Variants in HBM observed in about 807,000 individuals in gnomAD.
HBM encodes the protein hemoglobin subunit mu, also known as alpha globin pseudogene 2.
HBM carries 9 observed loss-of-function variants against 12.8 expected under a neutral mutation model. That is an observed-to-expected ratio of 0.70 (90% CI 0.42 to 1.23). The LOEUF (loss-of-function observed/expected upper bound fraction) is 1.23, where lower values mean the gene tolerates loss of function less well. Among genes scored for constraint, HBM ranks in the 50% most tolerant of loss-of-function variants. The pLI, the probability that HBM is intolerant of heterozygous loss-of-function variation, is 0.00. For missense variants in HBM, 214 were observed against 195.4 expected, an observed-to-expected ratio of 1.10 and a Z score of -0.57; for synonymous variants, 100 against 92.0, an observed-to-expected ratio of 1.09 and a Z score of -0.50.
rs1215320852 is a variant in HBM at position 166,183 on chromosome 16, C to A, written c.93-85C>A. ...AACGCCATCCAAGGTCCTTCGGGTG[C>A]GGATCCCCGGGCTCTGGGCGGTGTG... On this transcript the variant is annotated intron_variant, in intron 1 of 2. Coordinates refer to ENST00000356815, the MANE Select transcript of HBM (RefSeq NM_001003938.4). 2.9e-6 allele frequency: 4 copies of A among 1,367,108 alleles called. No homozygotes were observed. The Admixed American group carries it at 9.5e-5, about 32-fold the overall frequency. 84.7% of individuals were successfully genotyped at this position (1,367,108 alleles called of 1,614,324 possible).
In HBM at chr16:166,281, T is replaced by C; in HGVS notation, c.106T>C (p.Tyr36His). The change falls in exon 2 of 3, where the codon TAC becomes CAC. Residue 36 changes from tyrosine (Y) to histidine (H), a missense_variant. Physicochemically the swap from Tyr to His is moderately conservative, Grantham distance 83. Transcript: ENST00000356815. Reference sequence around the variant, plus strand: ...CTGGTCCTGCAGGCTCTTCACGGTGTACCCCAGCACCAAGGTCTACTTCCC... The same window carrying C: ...CTGGTCCTGCAGGCTCTTCACGGTGCACCCCAGCACCAAGGTCTACTTCCC... ...AELLLRLFTV[Y>H]PSTKVYFPHL... 3.1e-6 allele frequency: 5 copies of C among 1,594,840 alleles called. No homozygotes were observed. In the African/African-American group the frequency reaches 4.0e-5, roughly 13 times the overall value.
Position 166,747 on chromosome 16 carries a change from A to G in HBM, c.*39A>G. 2 of 1,609,830 alleles carry G rather than the reference A, an allele frequency of 1.2e-6. No homozygotes were observed. The highest frequency in any genetic ancestry group is 1.7e-6 in the Non-Finnish European group (2 of 1,177,920). ...CAGGCCTTGGTCTGTGCCTGTCAAT[A>G]AACAGAGGCCCGAACCATCTGCCCC... On this transcript the variant is annotated 3_prime_UTR_variant, in exon 3 of 3. Transcript: ENST00000356815.
At position 166,284 on chromosome 16, in the gene HBM, C is replaced by T. The variant is rs371291281; in HGVS notation, c.109C>T (p.Pro37Ser). The change falls in exon 2 of 3, where the codon CCC becomes TCC. Residue 37 changes from proline to serine, a missense_variant. Coordinates refer to ENST00000356815, the MANE Select transcript of HBM (RefSeq NM_001003938.4). ...GTCCTGCAGGCTCTTCACGGTGTAC[C>T]CCAGCACCAAGGTCTACTTCCCGCA... ...ELLLRLFTVY[P>S]STKVYFPHLS... The T allele has an allele frequency of 2.5e-6, 4 of 1,595,114 alleles. No homozygotes were observed. The highest frequency in any genetic ancestry group is 1.1e-5 in the South Asian group (1 of 90,462).
chr16:166,275 A>G lies in HBM; in HGVS notation c.100A>G (p.Thr34Ala), dbSNP rs147735618. 147 of 1,593,748 alleles carry G rather than the reference A, an allele frequency of 9.2e-5. No homozygotes were observed. In the African/African-American group the frequency reaches 1.7e-3, roughly 19 times the overall value. Residue 34 changes from threonine (T) to alanine (A), a missense_variant, in exon 2 of 3, where the codon ACG becomes GCG. Physicochemically the swap from Thr to Ala is moderately conservative, Grantham distance 58 (BLOSUM62 0). Transcript: ENST00000356815. ...ACTGACCTGGTCCTGCAGGCTCTTC[A>G]CGGTGTACCCCAGCACCAAGGTCTA... ...FGAELLLRLF[T>A]VYPSTKVYFP...
chr16:166,007 G>A lies in HBM; in HGVS notation c.10G>A (p.Ala4Thr). The stretch of plus-strand genomic sequence containing the variant: ...CACGTCAGGCGGCGCCATGCTCAGC[G>A]CCCAGGAGCGCGCCCAAATCGCGCA... MLS[A>T]QERAQIAQVW... Residue 4 changes from alanine (A) to threonine (T), a missense_variant, in exon 1 of 3, where the codon GCC (alanine) becomes ACC (threonine). Ala to Thr is a moderately conservative substitution (Grantham distance 58). Transcript: ENST00000356815. 6.3e-7 allele frequency: 1 copy of A among 1,586,614 alleles called. No individual in the cohort carries two copies. Among genetic ancestry groups the A allele is most frequent in the Non-Finnish European group, 8.5e-7 (1 of 1,172,130 alleles).
intron 1 of HBM, 24 bp downstream of exon 1, chr16:166,113 G>A: frequency 6.4e-7 from 1 of 1,568,434 alleles, no homozygotes; most frequent in Non-Finnish European, 8.7e-7. Context: ...GGGTCTCCGG[G>A]AGCTCAGGGA....
In HBM at chr16:166,013, G is replaced by C; in HGVS notation, c.16G>C (p.Glu6Gln). The change falls in exon 1 of 3, where the codon GAG (glutamate) becomes CAG (glutamine). Residue 6 changes from glutamate to glutamine, a missense_variant. Glu to Gln is a conservative substitution (Grantham distance 29, BLOSUM62 2). Coordinates refer to ENST00000356815, the MANE Select transcript of HBM (RefSeq NM_001003938.4). ...AGGCGGCGCCATGCTCAGCGCCCAGGAGCGCGCCCAAATCGCGCAGGTCTG... is the reference window on the plus strand; with the variant it reads ...AGGCGGCGCCATGCTCAGCGCCCAGCAGCGCGCCCAAATCGCGCAGGTCTG... MLSAQ[E>Q]RAQIAQVWDL... 1 of 1,590,654 alleles carries C rather than the reference G, an allele frequency of 6.3e-7. No homozygotes were observed. The highest frequency in any genetic ancestry group is 8.5e-7 in the Non-Finnish European group (1 of 1,173,582).
At position 166,069 on chromosome 16, in the gene HBM, CG is replaced by C; in HGVS notation, c.76del (p.Ala26ArgfsTer21). 1.2e-6 allele frequency: 2 copies of C among 1,603,200 alleles called. No homozygotes were observed. Among genetic ancestry groups the C allele is most frequent in the Non-Finnish European group, 1.7e-6 (2 of 1,175,666 alleles). ...TGATTGCGGGCCACGAGGCGCAATT[CG>C]GGGCGGAGCTGCTGCTCAGGTCGGT... ...DLIAGHEAQF[G>X]AELLLRLFTV... On this transcript the variant is annotated frameshift_variant, in exon 1 of 3. Transcript: ENST00000356815. LOFTEE classifies it high-confidence loss of function.
In HBM at chr16:166,337, G is replaced by A. The variant is rs757420478; in HGVS notation, c.162G>A (p.Gln54=). ...PHLSACQDAT[Q]LLSHGQRMLA... Reference sequence around the variant, plus strand: ...TGAGCGCCTGCCAGGACGCGACGCAGCTGCTGAGCCACGGGCAGCGCATGC... The same window carrying A: ...TGAGCGCCTGCCAGGACGCGACGCAACTGCTGAGCCACGGGCAGCGCATGC... The change falls in exon 2 of 3, where the codon CAG becomes CAA. Residue 54 remains glutamine (Q), a synonymous_variant. Transcript: ENST00000356815. The A allele has an allele frequency of 7.1e-5, 113 of 1,594,790 alleles. No homozygotes were observed. Among genetic ancestry groups the A allele is most frequent in the Non-Finnish European group, 9.4e-5 (111 of 1,178,486 alleles).
At chr16:166,523 G>A (rs758040184) in intron 2 of HBM, 51 bp downstream of exon 2, 2 of 1,584,370 alleles carry the variant, frequency 1.3e-6, no homozygotes, top group Non-Finnish European at 1.7e-6. Context: ...CGGGGTGGGG[G>A]GGCTCTGGGG....
rs1237542831 is a variant in HBM, at chr16:165,993, G to GC, written c.-4dup. ...CGCGGCCCCCAGAGCACGTCAGGCG[G>GC]CGCCATGCTCAGCGCCCAGGAGCGC... is the stretch of plus-strand genomic sequence containing the variant. On this transcript the variant is annotated 5_prime_UTR_variant, in exon 1 of 3. Transcript: ENST00000356815. 6.3e-7 allele frequency: 1 copy of GC among 1,574,858 alleles called. No individual in the cohort carries two copies. The highest frequency in any genetic ancestry group is 1.8e-5 in the Admixed American group (1 of 55,414).
rs764407195 is a variant in HBM, at chr16:166,685, G to T, written c.403G>T (p.Val135Leu). ...WDKFLTGVAV[V>L]LTEKYR ...CAAGTTCCTGACTGGTGTGGCCGTG[G>T]TGCTGACCGAAAAATACCGCTGAGC... The change falls in exon 3 of 3, where the codon GTG (valine) becomes TTG (leucine). Residue 135 changes from valine (V) to leucine (L), a missense_variant. By Grantham distance (32) the Val-to-Leu change is conservative. Transcript: ENST00000356815. 6.2e-7 allele frequency: 1 copy of T among 1,614,118 alleles called. No homozygotes were observed. Among genetic ancestry groups the T allele is most frequent in the African/African-American group, 1.3e-5 (1 of 75,042 alleles).
rs1434916233 is a variant in HBM at position 166,294 on chromosome 16, A to C, written c.119A>C (p.Lys40Thr). ...CTCTTCACGGTGTACCCCAGCACCAAGGTCTACTTCCCGCACCTGAGCGCC... is the reference window on the plus strand; with the variant it reads ...CTCTTCACGGTGTACCCCAGCACCACGGTCTACTTCCCGCACCTGAGCGCC... Reference protein sequence around the residue: ...LRLFTVYPSTKVYFPHLSACQ... With the variant: ...LRLFTVYPSTTVYFPHLSACQ... The change falls in exon 2 of 3, where the codon AAG becomes ACG. Residue 40 changes from lysine (K) to threonine (T), a missense_variant. Lys to Thr is a moderately conservative substitution (Grantham distance 78). Coordinates refer to ENST00000356815, the MANE Select transcript of HBM (RefSeq NM_001003938.4). The C allele has an allele frequency of 1.8e-5, 29 of 1,595,688 alleles. No individual in the cohort carries two copies. The highest frequency in any genetic ancestry group is 2.5e-5 in the Non-Finnish European group (29 of 1,178,844).
In HBM at chr16:166,654, G is replaced by A. The variant is rs771243489; in HGVS notation, c.372G>A (p.Ala124=). Residue 124 remains alanine (A), a synonymous_variant, in exon 3 of 3, where the codon GCG becomes GCA. Transcript: ENST00000356815. ...QDEFTVQMQA[A]WDKFLTGVAV... The stretch of plus-strand genomic sequence containing the variant: ...AGTTCACCGTGCAAATGCAAGCGGC[G>A]TGGGACAAGTTCCTGACTGGTGTGG... 13 of 1,614,042 alleles carry A rather than the reference G, an allele frequency of 8.1e-6. No homozygotes were observed. Among genetic ancestry groups the A allele is most frequent in the African/African-American group, 1.3e-5 (1 of 74,948 alleles).
intron 2 of HBM, 54 bp downstream of exon 2, chr16:166,526 C>T (rs1423121730): frequency 1.9e-6 from 3 of 1,587,160 alleles, no homozygotes; most frequent in African/African-American, 1.3e-5. Flanking sequence ...GGTGGGGGGG[C>T]TCTGGGGGTC....
rs745886087 is a variant in HBM at position 166,745 on chromosome 16, A to G, written c.*37A>G. The stretch of plus-strand genomic sequence containing the variant: ...CGCAGGCCTTGGTCTGTGCCTGTCA[A>G]TAAACAGAGGCCCGAACCATCTGCC... On this transcript the variant is annotated 3_prime_UTR_variant, in exon 3 of 3. Transcript: ENST00000356815. The G allele has an allele frequency of 1.9e-5, 31 of 1,610,498 alleles. No homozygotes were observed. In the South Asian group the frequency reaches 3.2e-4, roughly 17 times the overall value.
chr16:166,601 G>A lies in HBM; in HGVS notation c.319G>A (p.Val107Ile), dbSNP rs143725294. The change falls in exon 3 of 3, where the codon GTC (valine) becomes ATC (isoleucine). Residue 107 changes from valine to isoleucine, a missense_variant. By Grantham distance (29) the Val-to-Ile change is conservative. Coordinates refer to ENST00000356815, the MANE Select transcript of HBM (RefSeq NM_001003938.4). The part of the protein sequence containing the change: ...NFPLLIQCFH[V>I]VLASHLQDEF... ...GCAGCTGCTAATCCAGTGTTTCCAC[G>A]TCGTGCTGGCCTCCCACCTGCAGGA... 12 of 1,613,730 alleles carry A rather than the reference G, an allele frequency of 7.4e-6. No individual in the cohort carries two copies. Among genetic ancestry groups the A allele is most frequent in the East Asian group, 2.2e-5 (1 of 44,866 alleles).
In HBM at chr16:166,458, C is replaced by T; in HGVS notation, c.283C>T (p.Pro95Ser). The change falls in exon 2 of 3, where the codon CCA (proline) becomes TCA (serine). Residue 95 changes from proline to serine, a missense_variant. Coordinates refer to ENST00000356815, the MANE Select transcript of HBM (RefSeq NM_001003938.4). ...DLHALVLRVD[P>S]ANFPLLIQCF... Reference sequence around the variant, plus strand: ...GCACGCGCTCGTGCTGCGCGTGGACCCAGCCAACTTTCCGGTGAGGCCTTT... The same window carrying T: ...GCACGCGCTCGTGCTGCGCGTGGACTCAGCCAACTTTCCGGTGAGGCCTTT... 2.6e-6 allele frequency: 4 copies of T among 1,549,916 alleles called. No homozygotes were observed. The South Asian group carries it at 4.7e-5, about 18-fold the overall frequency.
chr16:166,060 G>A lies in HBM; in HGVS notation c.63G>A (p.Glu21=). ...AQVWDLIAGH[E]AQFGAELLLR... ...TCTGGGACCTGATTGCGGGCCACGAGGCGCAATTCGGGGCGGAGCTGCTGC... is the reference window on the plus strand; with the variant it reads ...TCTGGGACCTGATTGCGGGCCACGAAGCGCAATTCGGGGCGGAGCTGCTGC... The change falls in exon 1 of 3, where the codon GAG becomes GAA. Residue 21 remains glutamate (E), a synonymous_variant. Coordinates refer to ENST00000356815, the MANE Select transcript of HBM (RefSeq NM_001003938.4). 1.2e-6 allele frequency: 2 copies of A among 1,603,712 alleles called. No individual in the cohort carries two copies. Among genetic ancestry groups the A allele is most frequent in the South Asian group, 1.1e-5 (1 of 90,390 alleles).
Sources: gnomAD v4.1 joint callset for allele counts on GRCh38, gnomAD v4.1.1 for gene constraint, MANE v1.5 for transcripts, NCBI Gene and HGNC (gene_info 2026-07-23, HGNC 2026-07-21) for gene names.